Variants in CSMD1 observed in about 807,000 individuals in gnomAD.
CSMD1 encodes CUB and Sushi multiple domains 1.
In CSMD1, 213 loss-of-function variants were observed where a neutral mutation model predicts 417.5. The ratio of observed to expected loss-of-function variants is 0.51; its 90% CI spans 0.46 to 0.57. The LOEUF (loss-of-function observed/expected upper bound fraction) is 0.57. Ranked by LOEUF, CSMD1 falls within the 20% of genes least tolerant of loss-of-function variation. The pLI is 0.00. For missense variants in CSMD1, 6,923 were observed against 4,529.7 expected (o/e 1.53, Z -15.17); for synonymous variants, 2,862 against 1,736.8 (o/e 1.65, Z -16.11).
intron 3 of CSMD1, among the ~76,000 whole-genome samples, chr8:4,398,889 A>G (rs1226150733): frequency 6.6e-6 from 1 of 152,210 alleles, no homozygotes; most frequent in African/African-American, 2.4e-5. Flanking sequence ...ATTCTCAATA[A>G]AAAATAAAAG....
intron 7 of CSMD1, among the ~76,000 whole-genome samples, chr8:3,666,653 T>C (rs933294592): frequency 2.0e-5 from 3 of 152,108 alleles, no homozygotes; most frequent in African/African-American, 7.2e-5. Flanking sequence ...ATGGGGGCAG[T>C]TTCCCCCATA....
At chr8:4,269,022 A>C (rs1250327588) in intron 3 of CSMD1, among the ~76,000 whole-genome samples, 1 of 152,130 alleles carries the variant, frequency 6.6e-6, no homozygotes, top group African/African-American at 2.4e-5. Flanking sequence ...AAAATACACA[A>C]TGAGGTGCAT....
chr8:4,818,013 G>C (rs1173661299), intron 1 of CSMD1, among the ~76,000 whole-genome samples: 1 of 152,070 alleles, frequency 6.6e-6, no homozygotes, highest in Non-Finnish European at 1.5e-5. Flanking sequence ...TTATAATAAG[G>C]TTCAGTCAGC....
At chr8:3,055,064 T>A (rs1812124648) in intron 49 of CSMD1, among the ~76,000 whole-genome samples, 1 of 152,200 alleles carries the variant, frequency 6.6e-6, no homozygotes, top group Non-Finnish European at 1.5e-5. Flanking sequence ...GGCTGGAATG[T>A]GCGCAGTGTT....
At chr8:3,374,126 G>C (rs934360473) in intron 18 of CSMD1, among the ~76,000 whole-genome samples, 2 of 151,762 alleles carry the variant, frequency 1.3e-5, no homozygotes, top group African/African-American at 4.8e-5. Context: ...CTAATTTTTT[G>C]TATTTTTAGT....
intron 2 of CSMD1, among the ~76,000 whole-genome samples, chr8:4,420,882 T>C (rs924175866): frequency 6.6e-6 from 1 of 152,180 alleles, no homozygotes; most frequent in African/African-American, 2.4e-5. Flanking sequence ...GCCTGGTCTG[T>C]CCTCTTTCAC....
chr8:3,350,044 T>A (rs572072897), intron 21 of CSMD1, among the ~76,000 whole-genome samples: 2 of 144,680 alleles, frequency 1.4e-5, no homozygotes, highest in South Asian at 2.2e-4. Context: ...ATAATACCTA[T>A]AATAACCTAT....
chr8:4,928,284 C>T (rs1042030539), intron 1 of CSMD1, among the ~76,000 whole-genome samples: 5 of 152,214 alleles, frequency 3.3e-5, no homozygotes, highest in African/African-American at 1.2e-4. Context: ...CTGTCCTGAC[C>T]TCCCATATGT....
intron 3 of CSMD1, among the ~76,000 whole-genome samples, chr8:4,134,551 T>C (rs1053036699): frequency 4.6e-5 from 7 of 152,226 alleles, no homozygotes; most frequent in African/African-American, 4.8e-5. Context: ...CCACCTAGTC[T>C]GTGGCACATT....
rs905608450 is a variant in CSMD1, at chr8:3,419,751, A to G, written c.1562-10146T>C. Among the ~76,000 whole-genome samples the G allele has an allele frequency of 3.3e-5, 5 of 152,370 alleles. No homozygotes were observed. The East Asian group carries it at 9.6e-4, about 29-fold the overall frequency. ...CCAACATGTCAAGAAAAAAATCTGC[A>G]TATCTAGATTCATTAAAAGAAATAA... On this transcript the variant is annotated intron_variant, in intron 12 of 69. Coordinates refer to ENST00000635120, the MANE Select transcript of CSMD1 (RefSeq NM_033225.6).
intron 3 of CSMD1, among the ~76,000 whole-genome samples, chr8:4,258,317 A>AGAGGGAGAAAGAGAGGGAGGGAGGG (rs1482851302): frequency 1.2e-5 from 1 of 81,052 alleles, no homozygotes; most frequent in African/African-American, 5.6e-5. Flanking sequence ...GTGAGGGAGG[A>AGAGGGAGAAAGAGAGGGAGGGAGGG]GAGGGAGAAA....
chr8:2,996,306 C>G (rs1806891012), intron 54 of CSMD1, among the ~76,000 whole-genome samples: 1 of 152,146 alleles, frequency 6.6e-6, no homozygotes, highest in African/African-American at 2.4e-5. Flanking sequence ...ATAATGTTAA[C>G]ATATTTGAGC....
intron 2 of CSMD1, among the ~76,000 whole-genome samples, chr8:4,612,858 G>A (rs1563334316): frequency 6.6e-6 from 1 of 152,192 alleles, no homozygotes; most frequent in South Asian, 2.1e-4. Context: ...ACAAACCTGA[G>A]TGAATCAGAG....
intron 1 of CSMD1, among the ~76,000 whole-genome samples, chr8:4,909,264 T>A (rs1805503457): frequency 6.6e-6 from 1 of 152,158 alleles, no homozygotes; most frequent in South Asian, 2.1e-4. Flanking sequence ...TGTGAGTCTT[T>A]TAGTGATCCT....
At chr8:4,046,210 A>C (rs1307852327) in intron 3 of CSMD1, among the ~76,000 whole-genome samples, 1 of 152,178 alleles carries the variant, frequency 6.6e-6, no homozygotes, top group Non-Finnish European at 1.5e-5. Context: ...AGAAAATAAT[A>C]AAAGCATTTT....
At chr8:3,606,284 G>A (rs188187314) in intron 8 of CSMD1, among the ~76,000 whole-genome samples, 49 of 152,138 alleles carry the variant, frequency 3.2e-4, no homozygotes, top group African/African-American at 1.1e-3. Flanking sequence ...CATCACAGAG[G>A]GCCCTTACAC....
intron 2 of CSMD1, among the ~76,000 whole-genome samples, chr8:4,470,661 C>T (rs571019970): frequency 6.6e-5 from 10 of 152,188 alleles, no homozygotes; most frequent in Admixed American, 1.3e-4. Flanking sequence ...GATTTCTAAA[C>T]GGCCATTAGT....
At chr8:4,637,135 C>G (rs1466856990) in intron 2 of CSMD1, among the ~76,000 whole-genome samples, 3 of 152,124 alleles carry the variant, frequency 2.0e-5, no homozygotes, top group Non-Finnish European at 4.4e-5. Context: ...ACCTTGCTAC[C>G]ACTAACTCTT....
intron 5 of CSMD1, among the ~76,000 whole-genome samples, chr8:3,963,873 A>T (rs1040743181): frequency 6.6e-6 from 1 of 152,224 alleles, no homozygotes; most frequent in Non-Finnish European, 1.5e-5. Flanking sequence ...GAAGGTATAG[A>T]TGTTAACTGA....
Sources: gnomAD v4.1 joint callset for allele counts (sites outside exome capture counted in the v4.1 genomes callset) on GRCh38, gnomAD v4.1.1 for gene constraint, MANE v1.5 for transcripts, NCBI Gene and HGNC (gene_info 2026-07-23, HGNC 2026-07-21) for gene names.